Variants in CDH2 observed in about 807,000 individuals in gnomAD.
The protein encoded by CDH2 is cadherin-2.
In CDH2, 17 loss-of-function variants were observed where a neutral mutation model predicts 92.0. The observed-to-expected ratio is 0.18, with a 90% confidence interval of 0.13 to 0.28. The LOEUF is 0.28. Ranked by LOEUF, CDH2 falls within the 10% of genes least tolerant of loss-of-function variation. The probability of loss-of-function intolerance (pLI) is 1.00; values close to 1 mark genes in which losing one functional copy is unlikely to be tolerated. For missense variants in CDH2, 862 were observed against 1,133.1 expected, an observed-to-expected ratio of 0.76 and a Z score of 3.44; for synonymous variants, 419 against 415.9, an observed-to-expected ratio of 1.01 and a Z score of -0.09.
At chr18:27,938,030 G>A (rs1909057074) in intron 6 of CDH2, among the ~76,000 whole-genome samples, 1 of 152,060 alleles carries the variant, frequency 6.6e-6, no homozygotes, top group Admixed American at 6.6e-5. Context: ...GGTTTCTCAT[G>A]GCTTAACATC....
At chr18:28,061,772 A>G (rs1049862361) in intron 2 of CDH2, among the ~76,000 whole-genome samples, 2 of 152,230 alleles carry the variant, frequency 1.3e-5, no homozygotes, top group Non-Finnish European at 2.9e-5. Context: ...CAGAAGGCGA[A>G]GGAATGTCTT....
chr18:28,045,568 C>T (rs1276412530), intron 2 of CDH2: 4 of 372,730 alleles, frequency 1.1e-5, no homozygotes, highest in Non-Finnish European at 2.1e-5. Flanking sequence ...CTTGCTCATG[C>T]TAGCCTATCT....
At chr18:28,096,872 G>GT in intron 2 of CDH2, among the ~76,000 whole-genome samples, 1 of 152,316 alleles carries the variant, frequency 6.6e-6, no homozygotes, top group Admixed American at 6.5e-5. Context: ...TTAAAATAAT[G>GT]ACAAGCTAAG....
rs1365870906 is a variant in CDH2, at chr18:28,177,057, A to C, written c.-35T>G. On this transcript the variant is annotated 5_prime_UTR_variant, in exon 1 of 16. Coordinates refer to ENST00000269141, the MANE Select transcript of CDH2 (RefSeq NM_001792.5). Reference sequence around the variant, plus strand: ...GAGGGGCCGAGCGAAGAGCCGGAGGAGGCGGCGGCGGCGGCGGCGGCGGCG... The same window carrying C: ...GAGGGGCCGAGCGAAGAGCCGGAGGCGGCGGCGGCGGCGGCGGCGGCGGCG... 1.4e-4 allele frequency: 180 copies of C among 1,302,458 alleles called. No individual in the cohort carries two copies. The Middle Eastern group carries it at 1.8e-3, about 13-fold the overall frequency. The allele number at this position is 1,302,458 out of a possible 1,614,324, so 80.7% of individuals were successfully genotyped here. A position where few individuals can be genotyped will look rare whatever the true frequency, so the allele number is the denominator to read the frequency against.
At chr18:28,116,917 T>A (rs1250093804) in intron 2 of CDH2, among the ~76,000 whole-genome samples, 1 of 152,116 alleles carries the variant, frequency 6.6e-6, no homozygotes, top group Non-Finnish European at 1.5e-5. Flanking sequence ...TATTTTATCT[T>A]TTAAAAAACT....
chr18:28,055,719 T>C (rs1385531213), intron 2 of CDH2, among the ~76,000 whole-genome samples: 1 of 152,224 alleles, frequency 6.6e-6, no homozygotes, highest in African/African-American at 2.4e-5. Context: ...ATTTTAAGTA[T>C]GTTTAAACAC....
At chr18:28,146,620 A>T (rs1378053764) in intron 2 of CDH2, 1 of 152,048 alleles carries the variant, frequency 6.6e-6, no homozygotes, top group Admixed American at 6.6e-5. Context: ...ATAAAATGTA[A>T]CCTGCACCCA....
At chr18:27,990,003 T>G in intron 10 of CDH2, 94 bp downstream of exon 10, 1 of 1,119,258 alleles carries the variant, frequency 8.9e-7, no homozygotes. Flanking sequence ...TTGATTGCAA[T>G]GAAAATTTCT....
At chr18:28,143,523 C>T (rs1005018462) in intron 2 of CDH2, among the ~76,000 whole-genome samples, 9 of 151,732 alleles carry the variant, frequency 5.9e-5, no homozygotes, top group Non-Finnish European at 2.9e-5. Flanking sequence ...TTGAAAGATG[C>T]TTTTTAATTA....
intron 1 of CDH2, among the ~76,000 whole-genome samples, chr18:28,156,200 A>C (rs1438382085): frequency 6.6e-6 from 1 of 152,174 alleles, no homozygotes; most frequent in Non-Finnish European, 1.5e-5. Flanking sequence ...CTCTAGTATC[A>C]GTACTTTTAG....
At chr18:28,078,373 G>C (rs2014765153) in intron 2 of CDH2, among the ~76,000 whole-genome samples, 1 of 152,046 alleles carries the variant, frequency 6.6e-6, no homozygotes, top group Non-Finnish European at 1.5e-5. Flanking sequence ...TCAATGTCTT[G>C]ATAAAAATAA....
At chr18:28,160,428 T>A (rs1312627814) in intron 1 of CDH2, among the ~76,000 whole-genome samples, 5 of 152,106 alleles carry the variant, frequency 3.3e-5, no homozygotes, top group African/African-American at 7.2e-5. Flanking sequence ...GACTAGTCAA[T>A]GAGCAATGTT....
intron 6 of CDH2, among the ~76,000 whole-genome samples, chr18:27,945,318 G>A (rs956912902): frequency 3.1e-5 from 4 of 127,486 alleles, no homozygotes; most frequent in African/African-American, 1.3e-4. Context: ...TTTCCAGGAA[G>A]GAAGATTTTT....
intron 1 of CDH2, among the ~76,000 whole-genome samples, chr18:28,164,794 T>C (rs1361820324): frequency 2.0e-5 from 3 of 152,196 alleles, no homozygotes; most frequent in Admixed American, 6.5e-5. Flanking sequence ...CTGATATACC[T>C]GTTGTTTCCA....
At chr18:28,043,466 ATATATATAT>A (rs376261867) in intron 2 of CDH2, among the ~76,000 whole-genome samples, 23,377 of 82,944 alleles carry the variant, frequency 0.28, 2,701 homozygotes, top group South Asian at 0.42. Context: ...AAATAAATAT[ATATATATAT>A]ATATATATAT....
At chr18:28,113,370 T>C (rs538379938) in intron 2 of CDH2, among the ~76,000 whole-genome samples, 1 of 151,822 alleles carries the variant, frequency 6.6e-6, no homozygotes, top group Admixed American at 6.6e-5. Flanking sequence ...GATCAATAGT[T>C]ACATATGGCT....
At chr18:28,019,725 T>C (rs1045171707) in intron 2 of CDH2, among the ~76,000 whole-genome samples, 8 of 152,178 alleles carry the variant, frequency 5.3e-5, no homozygotes, top group African/African-American at 1.9e-4. Context: ...TGGTTTAATA[T>C]ATCTGTTATT....
chr18:28,070,818 T>C (rs757270404), intron 2 of CDH2, among the ~76,000 whole-genome samples: 1 of 152,194 alleles, frequency 6.6e-6, no homozygotes, highest in Non-Finnish European at 1.5e-5. Context: ...CAACACATCA[T>C]GTCACACCAC....
At chr18:27,989,534 G>C (rs771701393) in intron 10 of CDH2, among the ~76,000 whole-genome samples, 1 of 152,160 alleles carries the variant, frequency 6.6e-6, no homozygotes, top group Non-Finnish European at 1.5e-5. Context: ...ATCATCACCA[G>C]CTTTGGAGAA....
Sources: gnomAD v4.1 joint callset for allele counts (sites outside exome capture counted in the v4.1 genomes callset) on GRCh38, gnomAD v4.1.1 for gene constraint, MANE v1.5 for transcripts, NCBI Gene and HGNC (gene_info 2026-07-23, HGNC 2026-07-21) for gene names.